Variants in LOC400499 observed in about 807,000 individuals in gnomAD.
At chr16:11,496,674 G>T in the LOC400499 span, among the ~76,000 whole-genome samples, 1 of 152,194 alleles carries the variant, frequency 6.6e-6, no homozygotes, top group Non-Finnish European at 1.5e-5. Flanking sequence ...AGGTGCGTGT[G>T]TGTGTACTGT....
chr16:11,402,942 C>A, the LOC400499 span, among the ~76,000 whole-genome samples: 1 of 152,246 alleles, frequency 6.6e-6, no homozygotes, highest in East Asian at 1.9e-4. Context: ...CCCATGCCAC[C>A]GTCTGCTGTC....
the LOC400499 span, among the ~76,000 whole-genome samples, chr16:11,517,283 A>G: frequency 6.6e-6 from 1 of 151,982 alleles, no homozygotes; most frequent in South Asian, 2.1e-4. Context: ...ATGGTGCATA[A>G]GCTCCCAAGT....
At chr16:11,490,023 G>T in the LOC400499 span, among the ~76,000 whole-genome samples, 2 of 152,102 alleles carry the variant, frequency 1.3e-5, no homozygotes, top group African/African-American at 4.8e-5. Flanking sequence ...ACTTCTGGCG[G>T]AACACCCACA....
the LOC400499 span, among the ~76,000 whole-genome samples, chr16:11,511,695 G>A: frequency 6.6e-6 from 1 of 152,186 alleles, no homozygotes; most frequent in East Asian, 1.9e-4. Flanking sequence ...GATGGCTAAT[G>A]AGCACAAGGT....
the LOC400499 span, among the ~76,000 whole-genome samples, chr16:11,468,459 G>GAC: frequency 2.0e-5 from 3 of 152,136 alleles, no homozygotes; most frequent in African/African-American, 7.2e-5. Flanking sequence ...GAGTAGCTGA[G>GAC]ACTACAGGCA....
the LOC400499 span, among the ~76,000 whole-genome samples, chr16:11,479,470 A>G: frequency 6.6e-6 from 1 of 151,632 alleles, no homozygotes; most frequent in Non-Finnish European, 1.5e-5. Flanking sequence ...AATTAAAAAA[A>G]AAAAAAGCCG....
chr16:11,409,604 T>C, the LOC400499 span, among the ~76,000 whole-genome samples: 3 of 152,234 alleles, frequency 2.0e-5, no homozygotes, highest in Non-Finnish European at 4.4e-5. Context: ...GATCTTGGCC[T>C]GCATCCCGGA....
chr16:11,398,315 C>T, the LOC400499 span: 3 of 1,232,108 alleles, frequency 2.4e-6, no homozygotes, highest in African/African-American at 4.6e-5. Flanking sequence ...GTCCCTGGTC[C>T]TCCAGCTGCC....
the LOC400499 span, among the ~76,000 whole-genome samples, chr16:11,445,391 G>A: frequency 5.9e-5 from 9 of 151,876 alleles, no homozygotes; most frequent in East Asian, 7.7e-4. Flanking sequence ...ACTACACTCC[G>A]GCTTGAGCGA....
the LOC400499 span, chr16:11,448,181 C>G: frequency 4.5e-6 from 6 of 1,332,966 alleles, no homozygotes; most frequent in Non-Finnish European, 5.0e-6. Flanking sequence ...CCATCACCCC[C>G]AGAAATGACT....
the LOC400499 span, among the ~76,000 whole-genome samples, chr16:11,400,461 T>C: frequency 6.8e-6 from 1 of 148,144 alleles, no homozygotes; most frequent in African/African-American, 2.6e-5. Flanking sequence ...TTTTTTCTTC[T>C]GAGACTGTCT....
chr16:11,469,322 G>A, the LOC400499 span: 6 of 399,114 alleles, frequency 1.5e-5, no homozygotes, highest in Non-Finnish European at 2.7e-5. Flanking sequence ...CCGTCCCCCT[G>A]GGAGGACTGC....
chr16:11,444,901 G>C, the LOC400499 span, among the ~76,000 whole-genome samples: 7 of 152,090 alleles, frequency 4.6e-5, no homozygotes, highest in African/African-American at 1.4e-4. Context: ...GGGCAATATA[G>C]CAAGACTCTG....
the LOC400499 span, among the ~76,000 whole-genome samples, chr16:11,387,590 G>A: frequency 6.6e-6 from 1 of 152,076 alleles, no homozygotes; most frequent in Non-Finnish European, 1.5e-5. Flanking sequence ...TGGGCAGCAT[G>A]GGCTTATGTG....
At chr16:11,502,085 T>A in the LOC400499 span, 4 of 398,962 alleles carry the variant, frequency 1.0e-5, no homozygotes, top group African/African-American at 8.2e-5. Context: ...ACCCATTGTC[T>A]CGGCATTTGA....
the LOC400499 span, among the ~76,000 whole-genome samples, chr16:11,526,863 G>T: frequency 6.6e-6 from 1 of 152,246 alleles, no homozygotes; most frequent in South Asian, 2.1e-4. Flanking sequence ...TTCAGATCTG[G>T]TCTCTGCAGC....
chr16:11,389,455 G>A, the LOC400499 span, among the ~76,000 whole-genome samples: 2 of 152,158 alleles, frequency 1.3e-5, no homozygotes, highest in African/African-American at 4.8e-5. Flanking sequence ...GCCAAGGCAG[G>A]TGGATCACCT....
chr16:11,378,523 C>T, the LOC400499 span, among the ~76,000 whole-genome samples: 1 of 152,198 alleles, frequency 6.6e-6, no homozygotes, highest in African/African-American at 2.4e-5. Flanking sequence ...CTCGGCCTCC[C>T]AAAGTGCTGG....
chr16:11,524,402 G>T, the LOC400499 span, among the ~76,000 whole-genome samples: 237 of 118,546 alleles, frequency 2.0e-3, 2 homozygotes, highest in African/African-American at 9.2e-3. Context: ...CAAGTGACTT[G>T]CCCAGGTGCA....
Sources: gnomAD v4.1 joint callset for allele counts (sites outside exome capture counted in the v4.1 genomes callset) on GRCh38, gnomAD v4.1.1 for gene constraint, MANE v1.5 for transcripts.